Variants in CDH12 observed in about 807,000 individuals in gnomAD.
CDH12 encodes the protein cadherin-12.
In CDH12, 41 loss-of-function variants were observed where a neutral mutation model predicts 74.1. The ratio of observed to expected loss-of-function variants is 0.55; its 90% CI spans 0.43 to 0.72. The LOEUF (loss-of-function observed/expected upper bound fraction) is 0.72. CDH12 is among the 30% of genes least tolerant of loss of function. CDH12 has a pLI of 0.00. For synonymous variants in CDH12, 399 were observed against 355.0 expected, an observed-to-expected ratio of 1.12 and a Z score of -1.39; for missense variants, 945 against 977.2, an observed-to-expected ratio of 0.97 and a Z score of 0.44.
chr5:22,209,817 C>A (rs2150361283), intron 4 of CDH12, among the ~76,000 whole-genome samples: 1 of 152,124 alleles, frequency 6.6e-6, no homozygotes, highest in Middle Eastern at 3.4e-3. Context: ...AATAGTCTTA[C>A]AATATTCATG....
chr5:22,289,481 C>G (rs945018989), intron 3 of CDH12, among the ~76,000 whole-genome samples: 1 of 152,132 alleles, frequency 6.6e-6, no homozygotes, highest in Non-Finnish European at 1.5e-5. Context: ...AAAGCTGTAT[C>G]TTCCATGAAT....
Position 22,235,310 on chromosome 5 carries a change from C to T in CDH12, c.-332-22667G>A, listed in dbSNP as rs188155005. Among the ~76,000 whole-genome samples, 11 of 152,124 alleles carry T rather than the reference C, an allele frequency of 7.2e-5. No homozygotes were observed. The East Asian group carries it at 1.6e-3, about 21-fold the overall frequency. ...AAAAACAAATTATACGGCCAGACACCGTGGCTCACGTCTCTATTACAGCAC... is the reference window on the plus strand; with the variant it reads ...AAAAACAAATTATACGGCCAGACACTGTGGCTCACGTCTCTATTACAGCAC... On this transcript the variant is annotated intron_variant, in intron 3 of 14. Coordinates refer to ENST00000382254, the MANE Select transcript of CDH12 (RefSeq NM_004061.5).
At chr5:22,089,653 G>A (rs2004134985) in intron 4 of CDH12, among the ~76,000 whole-genome samples, 1 of 151,970 alleles carries the variant, frequency 6.6e-6, no homozygotes, top group Admixed American at 6.6e-5. Flanking sequence ...AAATAACCAA[G>A]ATTAAAATTT....
chr5:21,998,160 A>T (rs1736403270), intron 5 of CDH12, among the ~76,000 whole-genome samples: 1 of 151,918 alleles, frequency 6.6e-6, no homozygotes, highest in South Asian at 2.1e-4. Context: ...GTAACTGTTA[A>T]TTTTTCCCTT....
At chr5:21,774,503 T>C (rs375246203) in intron 11 of CDH12, 4 of 152,324 alleles carry the variant, frequency 2.6e-5, no homozygotes. Context: ...CCTCATCTTG[T>C]GATCATGTGA....
intron 6 of CDH12, among the ~76,000 whole-genome samples, chr5:21,933,555 T>C (rs1169211986): frequency 6.6e-6 from 1 of 152,216 alleles, no homozygotes; most frequent in Non-Finnish European, 1.5e-5. Context: ...TGATGGAATA[T>C]CATCCATATA....
intron 1 of CDH12, among the ~76,000 whole-genome samples, chr5:22,730,641 A>G (rs919454143): frequency 2.6e-5 from 4 of 151,830 alleles, no homozygotes; most frequent in Non-Finnish European, 5.9e-5. Flanking sequence ...TGAGATCTGA[A>G]CAGATGTAGC....
intron 4 of CDH12, among the ~76,000 whole-genome samples, chr5:22,123,247 G>C (rs527989931): frequency 1.3e-5 from 2 of 152,240 alleles, no homozygotes; most frequent in East Asian, 3.9e-4. Context: ...TAAGAAGACA[G>C]TCATCTATGA....
intron 2 of CDH12, among the ~76,000 whole-genome samples, chr5:22,493,678 A>C (rs557053412): frequency 6.6e-6 from 1 of 152,222 alleles, no homozygotes; most frequent in South Asian, 2.1e-4. Flanking sequence ...AAAGAGGAGA[A>C]AGCCATTCCA....
chr5:22,826,242 C>G (rs1375093410), intron 1 of CDH12, among the ~76,000 whole-genome samples: 2 of 152,076 alleles, frequency 1.3e-5, no homozygotes, highest in Admixed American at 6.6e-5. Context: ...GGGAGTTGCC[C>G]TGCACAAGCT....
At chr5:22,315,836 CA>C (rs1738609474) in intron 3 of CDH12, among the ~76,000 whole-genome samples, 1 of 151,986 alleles carries the variant, frequency 6.6e-6, no homozygotes, top group Admixed American at 6.6e-5. Flanking sequence ...TTAGTGGCTG[CA>C]TTGCCAGACA....
chr5:21,767,223 T>C (rs1380223217), intron 11 of CDH12, among the ~76,000 whole-genome samples: 1 of 151,810 alleles, frequency 6.6e-6, no homozygotes, highest in African/African-American at 2.4e-5. Flanking sequence ...TTTTTTACTT[T>C]ATTTCAGTAT....
At chr5:22,490,627 A>G (rs574701377) in intron 2 of CDH12, among the ~76,000 whole-genome samples, 1 of 152,184 alleles carries the variant, frequency 6.6e-6, no homozygotes, top group Admixed American at 6.5e-5. Context: ...GTAATTAAAG[A>G]TTACTGATCT....
At chr5:21,843,166 T>A (rs1344012137) in intron 7 of CDH12, among the ~76,000 whole-genome samples, 2 of 152,174 alleles carry the variant, frequency 1.3e-5, no homozygotes, top group African/African-American at 2.4e-5. Context: ...CAAATTCCAA[T>A]CTTTAGTCAA....
At chr5:22,025,481 AAT>A (rs1738286263) in intron 5 of CDH12, among the ~76,000 whole-genome samples, 1 of 152,178 alleles carries the variant, frequency 6.6e-6, no homozygotes. Context: ...AAAAAATGCT[AAT>A]GATCATCTCA....
rs1746966740 is a variant in CDH12 at position 21,799,080 on chromosome 5, C to T, written c.1256+3087G>A. Among the ~76,000 whole-genome samples the T allele has an allele frequency of 2.6e-5, 4 of 152,120 alleles. No individual in the cohort carries two copies. The South Asian group carries it at 6.2e-4, about 24-fold the overall frequency. ...CAAATAACAACTCAACAGTCATAAA[C>T]AGAATGTTGGTAGATATATGGACAG... is the stretch of plus-strand genomic sequence containing the variant. On this transcript the variant is annotated intron_variant, in intron 10 of 14. Transcript: ENST00000382254.
At chr5:21,752,294 C>T in intron 14 of CDH12, 58 bp from the exon 15 acceptor site, 2 of 1,483,238 alleles carry the variant, frequency 1.3e-6, no homozygotes, top group Non-Finnish European at 1.8e-6. Context: ...CATTTCATCT[C>T]TCCATAAAAA....
chr5:22,524,323 C>A (rs1189083005), intron 1 of CDH12, among the ~76,000 whole-genome samples: 1 of 152,064 alleles, frequency 6.6e-6, no homozygotes. Flanking sequence ...ATTTTTCTGT[C>A]CTTCAAGACT....
chr5:22,563,009 T>C (rs1739131503), intron 1 of CDH12, among the ~76,000 whole-genome samples: 1 of 147,608 alleles, frequency 6.8e-6, no homozygotes, highest in African/African-American at 2.5e-5. Context: ...TATGCAAATA[T>C]ATATTTCTAT....
Sources: gnomAD v4.1 joint callset for allele counts (sites outside exome capture counted in the v4.1 genomes callset) on GRCh38, gnomAD v4.1.1 for gene constraint, MANE v1.5 for transcripts, NCBI Gene and HGNC (gene_info 2026-07-23, HGNC 2026-07-21) for gene names.